Variants in CSMD1 observed in about 807,000 individuals in gnomAD.
CSMD1 encodes CUB and Sushi multiple domains 1.
A neutral mutation model predicts 417.5 loss-of-function variants in CSMD1; 213 were observed. The observed-to-expected ratio is 0.51, with a 90% CI of 0.46 to 0.57. The LOEUF (loss-of-function observed/expected upper bound fraction) is 0.57. Among genes scored for constraint, CSMD1 ranks in the 20% least tolerant of loss-of-function variants. The pLI is 0.00. For synonymous variants in CSMD1, 2,862 were observed against 1,736.8 expected (o/e 1.65, Z -16.11); for missense variants, 6,923 against 4,529.7 (o/e 1.53, Z -15.17).
At chr8:4,161,058 C>A (rs1231229206) in intron 3 of CSMD1, among the ~76,000 whole-genome samples, 2 of 151,834 alleles carry the variant, frequency 1.3e-5, no homozygotes, top group East Asian at 3.9e-4. Flanking sequence ...TGAGCAGTCC[C>A]AGATTTGCAG....
At chr8:3,892,170 G>C (rs546509328) in intron 5 of CSMD1, among the ~76,000 whole-genome samples, 10 of 152,218 alleles carry the variant, frequency 6.6e-5, no homozygotes, top group African/African-American at 1.2e-4. Flanking sequence ...AAATATATGA[G>C]GCATTTAGCC....
intron 5 of CSMD1, among the ~76,000 whole-genome samples, chr8:3,786,072 G>A (rs1483070879): frequency 1.3e-5 from 2 of 152,092 alleles, no homozygotes; most frequent in Non-Finnish European, 1.5e-5. Context: ...AGAATGAGCA[G>A]GCCTCATTGA....
At chr8:3,074,675 T>C (rs1813522607) in intron 49 of CSMD1, among the ~76,000 whole-genome samples, 1 of 152,204 alleles carries the variant, frequency 6.6e-6, no homozygotes, top group Non-Finnish European at 1.5e-5. Context: ...CTGCATTTTA[T>C]CTAATAGTTA....
At chr8:3,447,946 C>T (rs10283244) in intron 12 of CSMD1, among the ~76,000 whole-genome samples, 13,721 of 152,082 alleles carry the variant, frequency 0.09, 694 homozygotes, top group Middle Eastern at 0.14. Flanking sequence ...TTACAGACAC[C>T]CCACATGGGA....
chr8:3,878,748 T>G (rs569405022), intron 5 of CSMD1, among the ~76,000 whole-genome samples: 2 of 152,242 alleles, frequency 1.3e-5, no homozygotes, highest in African/African-American at 4.8e-5. Context: ...CCCTTGTACT[T>G]TATGTTGGAC....
At chr8:3,560,237 A>G (rs1489160043) in intron 10 of CSMD1, among the ~76,000 whole-genome samples, 1 of 152,164 alleles carries the variant, frequency 6.6e-6, no homozygotes, top group Admixed American at 6.5e-5. Context: ...ATATTAATAG[A>G]AGGATAATAT....
intron 2 of CSMD1, among the ~76,000 whole-genome samples, chr8:4,517,449 G>A (rs1803186758): frequency 6.6e-6 from 1 of 152,172 alleles, no homozygotes; most frequent in African/African-American, 2.4e-5. Context: ...ATTTCACAGA[G>A]ATGTGATCAT....
intron 1 of CSMD1, among the ~76,000 whole-genome samples, chr8:4,843,671 A>G (rs1380060685): frequency 2.6e-5 from 4 of 152,148 alleles, no homozygotes; most frequent in Admixed American, 2.6e-4. Context: ...TTTCACTGTA[A>G]TTATTTTGGT....
chr8:3,988,958 A>C (rs1814536132), intron 5 of CSMD1, among the ~76,000 whole-genome samples: 1 of 152,230 alleles, frequency 6.6e-6, no homozygotes, highest in Non-Finnish European at 1.5e-5. Context: ...AAAAATTTGA[A>C]GGTTATTTGC....
intron 2 of CSMD1, among the ~76,000 whole-genome samples, chr8:4,512,842 G>A (rs547563377): frequency 6.6e-6 from 1 of 151,188 alleles, no homozygotes; most frequent in Non-Finnish European, 1.5e-5. Context: ...CCTCAGTACT[G>A]TCAAGTTGTC....
At chr8:3,392,218 G>T (rs1451988999) in intron 17 of CSMD1, among the ~76,000 whole-genome samples, 4 of 151,724 alleles carry the variant, frequency 2.6e-5, no homozygotes, top group Admixed American at 2.6e-4. Context: ...TAACTAACCT[G>T]CACGTTGTCA....
chr8:3,805,566 A>T (rs943284929), intron 5 of CSMD1, among the ~76,000 whole-genome samples: 1 of 152,168 alleles, frequency 6.6e-6, no homozygotes, highest in Admixed American at 6.5e-5. Context: ...TGTTTGCAAG[A>T]AACAGGTGAA....
At chr8:4,278,414 CAT>C (rs1796603622) in intron 3 of CSMD1, among the ~76,000 whole-genome samples, 1 of 152,136 alleles carries the variant, frequency 6.6e-6, no homozygotes, top group African/African-American at 2.4e-5. Context: ...TATTGAGCCA[CAT>C]GATACAATTA....
intron 2 of CSMD1, among the ~76,000 whole-genome samples, chr8:4,468,837 A>T (rs942267318): frequency 6.6e-6 from 1 of 152,172 alleles, no homozygotes; most frequent in Non-Finnish European, 1.5e-5. Flanking sequence ...CCAAACAGCA[A>T]TTGAATTATC....
At chr8:3,882,939 C>G (rs115508449) in intron 5 of CSMD1, among the ~76,000 whole-genome samples, 3 of 152,138 alleles carry the variant, frequency 2.0e-5, no homozygotes. Flanking sequence ...TGGCCTTGTA[C>G]TGAAGTTTCA....
At chr8:3,778,267 A>T (rs1799000188) in intron 5 of CSMD1, among the ~76,000 whole-genome samples, 1 of 152,098 alleles carries the variant, frequency 6.6e-6, no homozygotes, top group African/African-American at 2.4e-5. Context: ...ATCACATTCT[A>T]TTTGCCTGTC....
intron 8 of CSMD1, among the ~76,000 whole-genome samples, chr8:3,611,605 TA>T (rs1250824926): frequency 6.6e-6 from 1 of 152,224 alleles, no homozygotes; most frequent in Non-Finnish European, 1.5e-5. Flanking sequence ...TTTTCATTTG[TA>T]ATTTTCTAAC....
chr8:3,970,454 C>G (rs1264699350), intron 5 of CSMD1, among the ~76,000 whole-genome samples: 1 of 152,138 alleles, frequency 6.6e-6, no homozygotes, highest in Non-Finnish European at 1.5e-5. Flanking sequence ...ATGAGAAACT[C>G]TTGTCTCTTC....
chr8:3,348,081 C>T lies in CSMD1; in HGVS notation c.3385G>A (p.Glu1129Lys), dbSNP rs1435150195. 3 of 1,612,388 alleles carry T rather than the reference C, an allele frequency of 1.9e-6. No individual in the cohort carries two copies. Among genetic ancestry groups the T allele is most frequent in the Non-Finnish European group, 2.5e-6 (3 of 1,179,024 alleles). ...NFPSNYDNNHECIYKIETEAG... is the reference protein window; with the variant it reads ...NFPSNYDNNHKCIYKIETEAG... ...TCTGTTTCTATTTTATAGATACACT[C>T]ATGGTTATTATCATAATTGGATGGA... Residue 1129 changes from glutamate (E) to lysine (K), a missense_variant, in exon 22 of 70, where the codon GAG becomes AAG. Glu to Lys is a moderately conservative substitution (Grantham distance 56). Transcript: ENST00000635120.
Sources: allele counts gnomAD v4.1 joint callset (sites outside exome capture counted in the v4.1 genomes callset), GRCh38; gene constraint gnomAD v4.1.1; transcripts MANE v1.5; gene names NCBI Gene and HGNC (gene_info 2026-07-23, HGNC 2026-07-21).